Variants in CSMD1 observed in about 807,000 individuals in gnomAD.
The protein encoded by CSMD1 is CUB and sushi domain-containing protein 1.
CSMD1 carries 213 observed loss-of-function variants against 417.5 expected under a neutral mutation model. The ratio of observed to expected loss-of-function variants is 0.51; its 90% confidence interval spans 0.46 to 0.57. CSMD1 has a LOEUF of 0.57. CSMD1 is among the 20% of genes least tolerant of loss of function. CSMD1 has a pLI of 0.00. For synonymous variants in CSMD1, 2,862 were observed against 1,736.8 expected, an observed-to-expected ratio of 1.65 and a Z score of -16.11; for missense variants, 6,923 against 4,529.7, an observed-to-expected ratio of 1.53 and a Z score of -15.17.
chr8:3,630,339 C>T (rs141258721), intron 7 of CSMD1, among the ~76,000 whole-genome samples: 1 of 152,098 alleles, frequency 6.6e-6, no homozygotes, highest in African/African-American at 2.4e-5. Flanking sequence ...ATTTAAAAAC[C>T]CTCTTGCCCA....
At chr8:3,437,543 A>T (rs918679475) in intron 12 of CSMD1, among the ~76,000 whole-genome samples, 1 of 152,174 alleles carries the variant, frequency 6.6e-6, no homozygotes, top group East Asian at 1.9e-4. Flanking sequence ...ACAGAGGCCA[A>T]CGTATCCAGG....
At chr8:3,608,924 G>C (rs1009898177) in intron 8 of CSMD1, among the ~76,000 whole-genome samples, 1 of 152,124 alleles carries the variant, frequency 6.6e-6, no homozygotes, top group Non-Finnish European at 1.5e-5. Flanking sequence ...CTAAGCTGCA[G>C]GGCTTGGAAT....
intron 3 of CSMD1, among the ~76,000 whole-genome samples, chr8:4,264,938 A>T (rs1400817470): frequency 3.9e-5 from 6 of 152,192 alleles, no homozygotes; most frequent in Non-Finnish European, 8.8e-5. Flanking sequence ...CTTCTACTTG[A>T]ATCAAATATT....
At chr8:3,269,458 C>A (rs1183620055) in intron 26 of CSMD1, among the ~76,000 whole-genome samples, 1 of 152,210 alleles carries the variant, frequency 6.6e-6, no homozygotes, top group African/African-American at 2.4e-5. Context: ...GCACCAAAGG[C>A]CTCTCCTGTA....
intron 3 of CSMD1, among the ~76,000 whole-genome samples, chr8:4,273,535 T>C (rs1023799052): frequency 4.6e-5 from 7 of 152,178 alleles, no homozygotes; most frequent in African/African-American, 1.7e-4. Flanking sequence ...TTCTATTAAC[T>C]TCAATTTTCA....
At chr8:4,063,950 T>G (rs1159821401) in intron 3 of CSMD1, among the ~76,000 whole-genome samples, 1 of 152,114 alleles carries the variant, frequency 6.6e-6, no homozygotes, top group Non-Finnish European at 1.5e-5. Context: ...CATTAAATCA[T>G]AAAATATTAA....
In CSMD1 at chr8:3,359,033, C is replaced by T. The variant is rs1029614375; in HGVS notation, c.3304+119G>A. The T allele has an allele frequency of 3.0e-5, 27 of 909,130 alleles. No homozygotes were observed. The East Asian group carries it at 5.9e-4, about 20-fold the overall frequency. 56.3% of individuals were successfully genotyped at this position (909,130 alleles called of 1,614,324 possible). The stretch of plus-strand genomic sequence containing the variant: ...CCTGGTTGGCAGAGTGGAGCCCACA[C>T]TTTCACCCTCTCCTTCCTTGTCAAC... On this transcript the variant is annotated intron_variant, in intron 21 of 69. Transcript: ENST00000635120.
chr8:3,818,237 C>A lies in CSMD1; in HGVS notation c.819-64195G>T, dbSNP rs1801507831. ...CGCAGAGCCCACCCCAAGATGCAGC[C>A]CCTGGGTCCGTGCAGCACAGGTGCT... On this transcript the variant is annotated intron_variant, in intron 5 of 69. Transcript: ENST00000635120. Among the ~76,000 whole-genome samples the A allele has an allele frequency of 2.0e-5, 3 of 152,016 alleles. No individual in the cohort carries two copies. In the South Asian group the frequency reaches 6.2e-4, roughly 32 times the overall value.
At chr8:3,896,368 T>C (rs1044461715) in intron 5 of CSMD1, among the ~76,000 whole-genome samples, 2 of 152,184 alleles carry the variant, frequency 1.3e-5, no homozygotes, top group South Asian at 2.1e-4. Context: ...TTAAGACTAA[T>C]AGTCCAAACA....
At chr8:4,179,911 T>G (rs1044622395) in intron 3 of CSMD1, among the ~76,000 whole-genome samples, 1 of 152,068 alleles carries the variant, frequency 6.6e-6, no homozygotes, top group Admixed American at 6.5e-5. Flanking sequence ...TGGCGATCAT[T>G]AAAAAGTCAG....
At chr8:3,725,984 G>A (rs577400974) in intron 6 of CSMD1, among the ~76,000 whole-genome samples, 1 of 152,156 alleles carries the variant, frequency 6.6e-6, no homozygotes, top group Non-Finnish European at 1.5e-5. Flanking sequence ...AATTGTGTGT[G>A]ACTACGGAGA....
chr8:4,277,263 T>C (rs1402192940), intron 3 of CSMD1, among the ~76,000 whole-genome samples: 1 of 152,080 alleles, frequency 6.6e-6, no homozygotes, highest in Non-Finnish European at 1.5e-5. Flanking sequence ...GAATTTCTTA[T>C]GAAGTTGGGT....
At chr8:3,752,212 G>A (rs930996313) in intron 6 of CSMD1, among the ~76,000 whole-genome samples, 3 of 151,956 alleles carry the variant, frequency 2.0e-5, no homozygotes, top group East Asian at 1.9e-4. Context: ...GATCGGCCTG[G>A]CCTGGCTCCA....
chr8:4,224,786 G>A (rs1291388914), intron 3 of CSMD1, among the ~76,000 whole-genome samples: 1 of 152,158 alleles, frequency 6.6e-6, no homozygotes, highest in African/African-American at 2.4e-5. Context: ...CTCTTAAAAT[G>A]TTAAAATGTG....
chr8:4,904,647 G>T (rs1201361955), intron 1 of CSMD1, among the ~76,000 whole-genome samples: 1 of 152,076 alleles, frequency 6.6e-6, no homozygotes, highest in Non-Finnish European at 1.5e-5. Flanking sequence ...TCAACCAGAA[G>T]TTCAAGAGTG....
intron 23 of CSMD1, among the ~76,000 whole-genome samples, chr8:3,339,100 C>A (rs1231147608): frequency 6.7e-6 from 1 of 150,212 alleles, no homozygotes; most frequent in East Asian, 2.0e-4. Context: ...GTTGTTTGTT[C>A]TTGCGATAGT....
chr8:4,968,841 G>T (rs141405219), intron 1 of CSMD1, among the ~76,000 whole-genome samples: 1 of 152,068 alleles, frequency 6.6e-6, no homozygotes, highest in Non-Finnish European at 1.5e-5. Context: ...AGAAGATTAG[G>T]ATCTACTGCA....
chr8:4,041,162 G>T (rs375915666), intron 3 of CSMD1, among the ~76,000 whole-genome samples: 2 of 151,422 alleles, frequency 1.3e-5, no homozygotes, highest in Non-Finnish European at 3.0e-5. Flanking sequence ...GACTACAGGC[G>T]CCCGCCACCA....
At chr8:4,667,856 A>T (rs6558897) in intron 1 of CSMD1, among the ~76,000 whole-genome samples, 94,491 of 152,060 alleles carry the variant, frequency 0.62, 29,551 homozygotes, top group Admixed American at 0.7. Flanking sequence ...AGCTTTTTCT[A>T]GCCTTAATGC....
Sources: gnomAD v4.1 joint callset for allele counts (sites outside exome capture counted in the v4.1 genomes callset) on GRCh38, gnomAD v4.1.1 for gene constraint, MANE v1.5 for transcripts, NCBI Gene and HGNC (gene_info 2026-07-23, HGNC 2026-07-21) for gene names.